The following C1orf162 variants were observed in gnomAD, a reference collection of about 807,000 sequenced individuals.
C1orf162 encodes transmembrane protein C1orf162.
C1orf162 carries 10 observed loss-of-function variants against 11.4 expected under a neutral mutation model. That is an observed-to-expected ratio of 0.88 (90% CI 0.54 to 1.48). The LOEUF (loss-of-function observed/expected upper bound fraction) is 1.48, where lower values mean the gene tolerates loss of function less well. Among genes scored for constraint, C1orf162 ranks in the 40% most tolerant of loss-of-function variants. The pLI, the probability that C1orf162 is intolerant of heterozygous loss-of-function variation, is 0.00. For synonymous variants in C1orf162, 53 were observed against 55.0 expected (o/e 0.96, Z 0.16); for missense variants, 140 against 149.5 (o/e 0.94, Z 0.33).
At position 111,478,157 on chromosome 1, in the gene C1orf162, C is replaced by G. The variant is rs762104146; in HGVS notation, c.*34C>G. The stretch of plus-strand genomic sequence containing the variant: ...TTCCAATGAGGCTTGAATCCATTTC[C>G]TCTCATCTCAGCCCTATCTTCACAC... On this transcript the variant is annotated 3_prime_UTR_variant, in exon 6 of 6. Transcript: ENST00000369718. 1.9e-6 allele frequency: 3 copies of G among 1,612,556 alleles called. No homozygotes were observed. The highest frequency in any genetic ancestry group is 1.7e-5 in the Admixed American group (1 of 60,028).
chr1:111,474,789 ATGT>A (rs1306059095), intron 1 of C1orf162: 1 of 152,162 alleles, frequency 6.6e-6, no homozygotes, highest in Non-Finnish European at 1.5e-5. Context: ...GTACTTGGTA[ATGT>A]TGTTGTTGCT....
At position 111,478,127 on chromosome 1, in the gene C1orf162, A is replaced by G. The variant is rs769404581; in HGVS notation, c.*4A>G. ...TCAAATTAAAGTAACAAACTAACTCAGCTTTTCCAATGAGGCTTGAATCCA... is the reference window on the plus strand; with the variant it reads ...TCAAATTAAAGTAACAAACTAACTCGGCTTTTCCAATGAGGCTTGAATCCA... On this transcript the variant is annotated 3_prime_UTR_variant, in exon 6 of 6. Transcript: ENST00000369718. 6.2e-7 allele frequency: 1 copy of G among 1,614,144 alleles called. No homozygotes were observed. The highest frequency in any genetic ancestry group is 2.2e-5 in the East Asian group (1 of 44,888).
intron 4 of C1orf162, 32 bp from the exon 5 acceptor site, chr1:111,477,694 A>G (rs1411243640): frequency 1.2e-6 from 2 of 1,612,686 alleles, no homozygotes; most frequent in Non-Finnish European, 1.7e-6. Context: ...CATTGCTGAG[A>G]TGGGTCCCTC....
chr1:111,476,678 C>A lies in C1orf162; in HGVS notation c.38-120C>A, dbSNP rs1404305487. ...TGTTCTCTCATTTTTGTAAGAGTTGCAGCCCCATCCTTAATTTCCACTGGT... is the reference window on the plus strand; with the variant it reads ...TGTTCTCTCATTTTTGTAAGAGTTGAAGCCCCATCCTTAATTTCCACTGGT... On this transcript the variant is annotated intron_variant, in intron 2 of 5. Transcript: ENST00000369718. 17 of 883,446 alleles carry A rather than the reference C, an allele frequency of 1.9e-5. No individual in the cohort carries two copies. The East Asian group carries it at 4.1e-4, about 21-fold the overall frequency. 54.7% of individuals were successfully genotyped at this position (883,446 alleles called of 1,614,324 possible). A position where few individuals can be genotyped will look rare whatever the true frequency, so the allele number is the denominator to read the frequency against.
At chr1:111,476,659 C>T in intron 2 of C1orf162, 139 bp from the exon 3 acceptor site, 2 of 771,488 alleles carry the variant, frequency 2.6e-6, no homozygotes, top group South Asian at 1.5e-5. Flanking sequence ...ACAATGTTCT[C>T]TCATTTTTGT....
intron 4 of C1orf162, 104 bp downstream of exon 4, chr1:111,477,532 A>G (rs1654033657): frequency 1.4e-6 from 2 of 1,481,118 alleles, no homozygotes; most frequent in South Asian, 1.1e-5. Flanking sequence ...GTGCAGTGTG[A>G]TAAAACCTGC....
At position 111,478,362 on chromosome 1, in the gene C1orf162, G is replaced by T. The variant is rs747645076; in HGVS notation, c.*239G>T. On this transcript the variant is annotated 3_prime_UTR_variant, in exon 6 of 6. Coordinates refer to ENST00000369718, the MANE Select transcript of C1orf162 (RefSeq NM_001300834.2). ...GAACTGACAGCCTGTGAGCCCCTTG[G>T]GGGCATAGACTGCCTTCCTTGGACC... 1.4e-5 allele frequency: 8 copies of T among 577,672 alleles called. No individual in the cohort carries two copies. The highest frequency in any genetic ancestry group is 9.0e-5 in the East Asian group (3 of 33,194). 35.8% of individuals were successfully genotyped at this position (577,672 alleles called of 1,614,324 possible).
chr1:111,475,261 A>G (rs1449842037), intron 1 of C1orf162: 1 of 152,250 alleles, frequency 6.6e-6, no homozygotes, highest in Non-Finnish European at 1.5e-5. Context: ...AACCTCTTAT[A>G]AAAAGAAATA....
intron 5 of C1orf162, 57 bp downstream of exon 5, chr1:111,477,832 C>T (rs537107945): frequency 6.2e-7 from 1 of 1,603,654 alleles, no homozygotes; most frequent in Non-Finnish European, 8.5e-7. Flanking sequence ...TGGAATTCCC[C>T]TCCATACTCT....
chr1:111,478,145 T>C lies in C1orf162; in HGVS notation c.*22T>C. 6.2e-7 allele frequency: 1 copy of C among 1,613,690 alleles called. No homozygotes were observed. On this transcript the variant is annotated 3_prime_UTR_variant, in exon 6 of 6. Transcript: ENST00000369718. The stretch of plus-strand genomic sequence containing the variant: ...CTAACTCAGCTTTTCCAATGAGGCT[T>C]GAATCCATTTCCTCTCATCTCAGCC...
intron 1 of C1orf162, chr1:111,475,782 C>T: frequency 2.1e-6 from 1 of 470,114 alleles, no homozygotes; most frequent in Non-Finnish European, 4.0e-6. Flanking sequence ...TTTCTTGGTG[C>T]CCTGATAAGA....
rs1342575058 is a variant in C1orf162, at chr1:111,476,015, C to T, written c.-11-3C>T. 1.2e-6 allele frequency: 2 copies of T among 1,612,424 alleles called. No individual in the cohort carries two copies. The highest frequency in any genetic ancestry group is 1.3e-5 in the African/African-American group (1 of 74,886). ...TCTAAGAGATACCTTGTTTTATTCTCAGGGGATGACAGCATGGGAGGCAAT... is the reference window on the plus strand; with the variant it reads ...TCTAAGAGATACCTTGTTTTATTCTTAGGGGATGACAGCATGGGAGGCAAT... On this transcript the variant is annotated splice_polypyrimidine_tract_variant and splice_region_variant and intron_variant, in intron 1 of 5. Coordinates refer to ENST00000369718, the MANE Select transcript of C1orf162 (RefSeq NM_001300834.2).
At chr1:111,474,381 A>C (rs1653926937) in intron 1 of C1orf162, among the ~76,000 whole-genome samples, 1 of 152,148 alleles carries the variant, frequency 6.6e-6, no homozygotes. Context: ...TGTGAAAGTT[A>C]GGGTGGGGTG....
intron 2 of C1orf162, 73 bp downstream of exon 2, chr1:111,476,138 G>A (rs1363335693): frequency 2.1e-6 from 3 of 1,407,266 alleles, no homozygotes; most frequent in Admixed American, 1.7e-5. Flanking sequence ...CTGAAGGGCT[G>A]TAATGGAAAG....
In C1orf162 at chr1:111,476,857, AACC is replaced by A. The variant is rs767323108; in HGVS notation, c.103_105del (p.His35del). ...AACTAGCCCTGCACCCTGTCTCTCT[AACC>A]ACCACAAGTAAATGAGCATTCTCCT... On this transcript the variant is annotated inframe_deletion, in exon 3 of 6. Coordinates refer to ENST00000369718, the MANE Select transcript of C1orf162 (RefSeq NM_001300834.2). The A allele has an allele frequency of 2.2e-5, 35 of 1,613,648 alleles. No individual in the cohort carries two copies. Among genetic ancestry groups the A allele is most frequent in the Non-Finnish European group, 2.9e-5 (34 of 1,179,678 alleles).
chr1:111,477,313 T>C lies in C1orf162; in HGVS notation c.108-21T>C, dbSNP rs185511594. 1.7e-5 allele frequency: 28 copies of C among 1,600,654 alleles called. No individual in the cohort carries two copies. The African/African-American group carries it at 2.7e-4, about 15-fold the overall frequency. On this transcript the variant is annotated intron_variant, in intron 3 of 5. Transcript: ENST00000369718. ...TTCAAAAGCCCAACAGTTCATCCCCTGCCTTTCTTTGCCAAAACAGCAAAA... is the reference window on the plus strand; with the variant it reads ...TTCAAAAGCCCAACAGTTCATCCCCCGCCTTTCTTTGCCAAAACAGCAAAA...
At chr1:111,477,098 G>T in intron 3 of C1orf162, 1 of 641,092 alleles carries the variant, frequency 1.6e-6, no homozygotes, top group Non-Finnish European at 2.7e-6. Context: ...GCTGGGTGGG[G>T]AATTATGAAC....
chr1:111,476,682 C>A, intron 2 of C1orf162, 116 bp from the exon 3 acceptor site: 1 of 918,156 alleles, frequency 1.1e-6, no homozygotes, highest in Non-Finnish European at 1.8e-6. Flanking sequence ...GAGTTGCAGC[C>A]CCATCCTTAA....
Position 111,478,102 on chromosome 1 carries a change from T to G in C1orf162, c.372T>G (p.Ala124=). ...CAGACTTTGACCCCATTGTCTATGCTCAAATTAAAGTAACAAACTAACTCA... is the reference window on the plus strand; with the variant it reads ...CAGACTTTGACCCCATTGTCTATGCGCAAATTAAAGTAACAAACTAACTCA... The part of the protein sequence containing the change: ...HSADFDPIVY[A]QIKVTN Residue 124 remains alanine, a synonymous_variant, in exon 6 of 6, where the codon GCT becomes GCG. Transcript: ENST00000369718. 2 of 1,614,216 alleles carry G rather than the reference T, an allele frequency of 1.2e-6. No individual in the cohort carries two copies. Among genetic ancestry groups the G allele is most frequent in the Non-Finnish European group, 1.7e-6 (2 of 1,180,038 alleles).
Sources: gnomAD v4.1 joint callset for allele counts (sites outside exome capture counted in the v4.1 genomes callset) on GRCh38, gnomAD v4.1.1 for gene constraint, MANE v1.5 for transcripts, NCBI Gene and HGNC (gene_info 2026-07-23, HGNC 2026-07-21) for gene names.